Variants in XPNPEP2 observed in about 807,000 individuals in gnomAD.
The protein encoded by XPNPEP2 is xaa-Pro aminopeptidase 2.
Under a neutral mutation model 59.8 loss-of-function variants are expected in XPNPEP2, and 64 were observed. The ratio of observed to expected loss-of-function variants is 1.07; its 90% CI spans 0.87 to 1.32. The LOEUF (loss-of-function observed/expected upper bound fraction) is 1.32, where lower values mean the gene tolerates loss of function less well. XPNPEP2 is among the 40% of genes most tolerant of loss of function. The pLI, the probability that XPNPEP2 is intolerant of heterozygous loss-of-function variation, is 0.00. For missense variants in XPNPEP2, 575 were observed against 546.8 expected (o/e 1.05, Z -0.51); for synonymous variants, 235 against 210.0 (o/e 1.12, Z -1.03).
chrX:129,760,046 T>C (rs952698265), intron 15 of XPNPEP2, among the ~76,000 whole-genome samples: 2 of 112,285 alleles, frequency 1.8e-5, no homozygotes, highest in Non-Finnish European at 3.8e-5. Context: ...CCGTGAAGCA[T>C]GCACGCTGTT....
At chrX:129,750,042 C>G (rs1256352477) in intron 7 of XPNPEP2, among the ~76,000 whole-genome samples, 1 of 112,972 alleles carries the variant, frequency 8.9e-6, no homozygotes, top group Non-Finnish European at 1.9e-5. Flanking sequence ...TCAACTAGGA[C>G]TGCTCTCTTG....
chrX:129,767,521 G>T, intron 19 of XPNPEP2, 82 bp from the exon 20 acceptor site: 1 of 982,461 alleles, frequency 1.0e-6, no homozygotes, highest in African/African-American at 1.9e-5. Flanking sequence ...CCTCCGGGTG[G>T]AGTGCTCCTT....
At chrX:129,757,843 G>GAAAGAAAT (rs1926563152) in intron 14 of XPNPEP2, among the ~76,000 whole-genome samples, 1 of 83,063 alleles carries the variant, frequency 1.2e-5, no homozygotes, top group Non-Finnish European at 2.3e-5. Context: ...AAGAAAGAAA[G>GAAAGAAAT]AAAGAAAGAA....
At chrX:129,751,626 G>A (rs879141384) in intron 8 of XPNPEP2, 119 bp from the exon 9 acceptor site, 23 of 403,213 alleles carry the variant, frequency 5.7e-5, no homozygotes, top group Non-Finnish European at 7.7e-5. Context: ...AAGGAAGGAA[G>A]GAAGGAAGGA....
Position 129,752,277 on chromosome X carries a change from T to A in XPNPEP2, c.949T>A (p.Leu317Met), listed in dbSNP as rs139236489. 8.3e-7 allele frequency: 1 copy of A among 1,211,606 alleles called. No individual in the cohort carries two copies. Residue 317 changes from leucine to methionine, a missense_variant, in exon 10 of 21, where the codon TTG becomes ATG. Leu to Met is a conservative substitution (Grantham distance 15, BLOSUM62 2). Transcript: ENST00000371106. ...QVRDSIQAYS[L>M]GDVRIWIGTS... ...TCGTGACAGCATCCAGGCCTACTCATTGGGAGATGTGAGGATCTGGATTGG... is the reference window on the plus strand; with the variant it reads ...TCGTGACAGCATCCAGGCCTACTCAATGGGAGATGTGAGGATCTGGATTGG...
chrX:129,756,925 C>T (rs1362595595), intron 14 of XPNPEP2, among the ~76,000 whole-genome samples: 1 of 103,916 alleles, frequency 9.6e-6, no homozygotes, highest in East Asian at 3.1e-4. Flanking sequence ...CTCTGCATCC[C>T]GGGTTCAAGT....
Position 129,739,027 on chromosome X carries a change from A to C in XPNPEP2, c.-187A>C. On this transcript the variant is annotated 5_prime_UTR_variant, in exon 1 of 21. Transcript: ENST00000371106. ...AGCTCCTCTGCCCACCCTGGCTCCCAGAGCCCTCCAAAACAAAAGACCAGA... is the reference window on the plus strand; with the variant it reads ...AGCTCCTCTGCCCACCCTGGCTCCCCGAGCCCTCCAAAACAAAAGACCAGA... 1 of 473,142 alleles carries C rather than the reference A, an allele frequency of 2.1e-6. No homozygotes were observed. The highest frequency in any genetic ancestry group is 3.6e-6 in the Non-Finnish European group (1 of 275,456). 39.0% of individuals were successfully genotyped at this position (473,142 alleles called of 1,213,427 possible).
Position 129,753,168 on chromosome X carries a change from G to T in XPNPEP2, c.1027G>T (p.Val343Leu), listed in dbSNP as rs185260305. Residue 343 changes from valine to leucine, a missense_variant, in exon 11 of 21, where the codon GTG becomes TTG. Coordinates refer to ENST00000371106, the MANE Select transcript of XPNPEP2 (RefSeq NM_003399.6). ...IYEMIPKEKL[V>L]TDTYSPVMMT... ...TCCCTGCCCCCAACAGGAGAAACTC[G>T]TGACAGACACCTACTCCCCAGTGAT... is the stretch of plus-strand genomic sequence containing the variant. 8.3e-7 allele frequency: 1 copy of T among 1,210,997 alleles called. No individual in the cohort carries two copies. Among genetic ancestry groups the T allele is most frequent in the East Asian group, 3.0e-5 (1 of 33,833 alleles).
At chrX:129,764,191 T>C (rs1040073060) in intron 19 of XPNPEP2, among the ~76,000 whole-genome samples, 3 of 106,647 alleles carry the variant, frequency 2.8e-5, no homozygotes, top group African/African-American at 6.8e-5. Context: ...GCTTTGTTTA[T>C]GGCATTGTGA....
chrX:129,767,735 T>C (rs1926778598), intron 20 of XPNPEP2, 43 bp downstream of exon 20: 1 of 1,167,896 alleles, frequency 8.6e-7, no homozygotes, highest in Non-Finnish European at 1.2e-6. Flanking sequence ...CCCTGGGCCT[T>C]TCCTGCCTCT....
rs1184034092 is a variant in XPNPEP2 at position 129,752,308 on chromosome X, GCTATA to G, written c.982_986del (p.Tyr328HisfsTer6). On this transcript the variant is annotated frameshift_variant, in exon 10 of 21. Transcript: ENST00000371106. LOFTEE classifies it high-confidence loss of function. Reference sequence around the variant, plus strand: ...GATGTGAGGATCTGGATTGGGACCAGCTATACCATGTATGGGATCTATGAAATGAT... The same window carrying G: ...GATGTGAGGATCTGGATTGGGACCAGCCATGTATGGGATCTATGAAATGAT... 8.3e-6 allele frequency: 10 copies of G among 1,210,315 alleles called. No individual in the cohort carries two copies. In the African/African-American group the frequency reaches 1.7e-4, roughly 21 times the overall value.
intron 8 of XPNPEP2, 44 bp from the exon 9 acceptor site, chrX:129,751,701 C>T: frequency 9.0e-7 from 1 of 1,110,765 alleles, no homozygotes; most frequent in Non-Finnish European, 1.2e-6. Context: ...AAGCTTGCCT[C>T]AGGCAGATCA....
At chrX:129,757,505 G>A (rs915575872) in intron 14 of XPNPEP2, among the ~76,000 whole-genome samples, 4 of 108,472 alleles carry the variant, frequency 3.7e-5, no homozygotes, top group African/African-American at 6.7e-5. Flanking sequence ...CATGACAGCC[G>A]TGCAGAATAG....
At position 129,756,505 on chromosome X, in the gene XPNPEP2, C is replaced by T. The variant is rs1258865752; in HGVS notation, c.1317C>T (p.Arg439=). 1.7e-6 allele frequency: 2 copies of T among 1,209,589 alleles called. No individual in the cohort carries two copies. Among genetic ancestry groups the T allele is most frequent in the African/African-American group, 3.5e-5 (2 of 57,039 alleles). ...AHYSPTKELN[R]KLSSDEMYLL... is the part of the protein sequence containing the mutation. ...TCAGCCCGACCAAGGAGCTGAACCG[C>T]AAGCTGTCCTCAGATGAGATGTACC... Residue 439 remains arginine (R), a synonymous_variant, in exon 14 of 21, where the codon CGC becomes CGT. Coordinates refer to ENST00000371106, the MANE Select transcript of XPNPEP2 (RefSeq NM_003399.6).
chrX:129,739,913 A>G (rs1218668943), intron 1 of XPNPEP2, among the ~76,000 whole-genome samples: 2 of 112,279 alleles, frequency 1.8e-5, no homozygotes, highest in Admixed American at 1.9e-4. Flanking sequence ...TCTGTCCTCA[A>G]CTAGGTGCCC....
Position 129,742,197 on chromosome X carries a change from C to T in XPNPEP2, c.123+16C>T, listed in dbSNP as rs1458652569. On this transcript the variant is annotated intron_variant, in intron 2 of 20. Transcript: ENST00000371106. ...CAACCCCCCTGTGAGTGCCCCCTGC[C>T]CCCCGCGCACGGCCCCCCTGGCCCC... 2 of 850,780 alleles carry T rather than the reference C, an allele frequency of 2.4e-6. No individual in the cohort carries two copies. Among genetic ancestry groups the T allele is most frequent in the Non-Finnish European group, 3.1e-6 (2 of 645,030 alleles). 70.1% of individuals were successfully genotyped at this position (850,780 alleles called of 1,213,427 possible). A position where few individuals can be genotyped will look rare whatever the true frequency, so the allele number is the denominator to read the frequency against.
At chrX:129,741,982 AGAGC>A (rs1926191020) in intron 1 of XPNPEP2, 122 bp from the exon 2 acceptor site, 1 of 548,022 alleles carries the variant, frequency 1.8e-6, no homozygotes, top group Non-Finnish European at 3.1e-6. Context: ...ATCCTCAAGT[AGAGC>A]TGGCCAGCTT....
At chrX:129,767,574 C>T (rs962743260) in intron 19 of XPNPEP2, 29 bp from the exon 20 acceptor site, 1 of 1,198,184 alleles carries the variant, frequency 8.3e-7, no homozygotes, top group Non-Finnish European at 1.1e-6. Flanking sequence ...CACTGTCCTG[C>T]TTACCCGGCT....
intron 19 of XPNPEP2, among the ~76,000 whole-genome samples, chrX:129,764,834 T>G (rs1926718809): frequency 9.4e-6 from 1 of 106,594 alleles, no homozygotes; most frequent in Admixed American, 1.0e-4. Flanking sequence ...CGTGGTAGTG[T>G]GTGCCTGTAA....
Sources: allele counts gnomAD v4.1 joint callset (sites outside exome capture counted in the v4.1 genomes callset), GRCh38; gene constraint gnomAD v4.1.1; transcripts MANE v1.5; gene names NCBI Gene and HGNC (gene_info 2026-07-23, HGNC 2026-07-21).